CNTNAP5: variants seen among roughly 807,000 people sequenced by gnomAD.
The protein encoded by CNTNAP5 is contactin-associated protein-like 5.
A neutral mutation model predicts 150.2 loss-of-function variants in CNTNAP5; 72 were observed. The ratio of observed to expected loss-of-function variants is 0.48; its 90% CI spans 0.40 to 0.58. The LOEUF is 0.58. CNTNAP5 is among the 20% of genes least tolerant of loss of function. The pLI is 0.00. For synonymous variants in CNTNAP5, 672 were observed against 619.8 expected, an observed-to-expected ratio of 1.08 and a Z score of -1.25; for missense variants, 1,636 against 1,626.2, an observed-to-expected ratio of 1.01 and a Z score of -0.10.
At chr2:124,651,889 C>G (rs991362332) in intron 13 of CNTNAP5, among the ~76,000 whole-genome samples, 1 of 152,128 alleles carries the variant, frequency 6.6e-6, no homozygotes, top group Admixed American at 6.6e-5. Context: ...ATGGGAAGGC[C>G]TGTGTATCCC....
At chr2:124,885,549 TCACA>T (rs3980831) in intron 21 of CNTNAP5, among the ~76,000 whole-genome samples, 2,665 of 145,310 alleles carry the variant, frequency 0.018, 33 homozygotes, top group Middle Eastern at 0.028. Flanking sequence ...AACATTTTCA[TCACA>T]CACACACACA....
At chr2:124,261,088 T>TCA (rs1436834325) in intron 3 of CNTNAP5, among the ~76,000 whole-genome samples, 1 of 152,160 alleles carries the variant, frequency 6.6e-6, no homozygotes, top group African/African-American at 2.4e-5. Flanking sequence ...AATTTCTTTA[T>TCA]GGCAATTTAA....
At chr2:124,741,069 T>C (rs929201168) in intron 13 of CNTNAP5, among the ~76,000 whole-genome samples, 7 of 152,292 alleles carry the variant, frequency 4.6e-5, no homozygotes, top group Admixed American at 3.9e-4. Flanking sequence ...CAAATTTCTT[T>C]TACTCCTGCA....
intron 4 of CNTNAP5, among the ~76,000 whole-genome samples, chr2:124,426,411 C>CT (rs758893339): frequency 8.3e-4 from 127 of 152,264 alleles, no homozygotes; most frequent in Admixed American, 1.4e-3. Flanking sequence ...TTGTGGATTG[C>CT]TAGCCAAAGC....
chr2:124,881,475 T>G (rs544763635), intron 21 of CNTNAP5, among the ~76,000 whole-genome samples: 1 of 152,198 alleles, frequency 6.6e-6, no homozygotes, highest in South Asian at 2.1e-4. Flanking sequence ...GAGCCCGAGT[T>G]TACTGACTTG....
chr2:124,863,722 G>A (rs968911270), intron 19 of CNTNAP5, among the ~76,000 whole-genome samples: 1 of 152,148 alleles, frequency 6.6e-6, no homozygotes, highest in Non-Finnish European at 1.5e-5. Context: ...ATCAGTCAGG[G>A]ACACGGTGGT....
At chr2:124,114,449 A>C (rs1432499857) in intron 1 of CNTNAP5, among the ~76,000 whole-genome samples, 1 of 151,954 alleles carries the variant, frequency 6.6e-6, no homozygotes, top group Non-Finnish European at 1.5e-5. Context: ...TACGGAAGTA[A>C]ATTTATTTTA....
chr2:124,523,001 A>G (rs1484428996), intron 8 of CNTNAP5, among the ~76,000 whole-genome samples: 1 of 152,024 alleles, frequency 6.6e-6, no homozygotes, highest in African/African-American at 2.4e-5. Context: ...TGTCTACCCC[A>G]CTAGCCTGAA....
At chr2:124,811,707 G>T (rs889673544) in intron 19 of CNTNAP5, among the ~76,000 whole-genome samples, 11 of 15,710 alleles carry the variant, frequency 7.0e-4, no homozygotes, top group African/African-American at 2.3e-3. Context: ...TTTAGGAGGC[G>T]GGGGGGGTGG....
chr2:124,637,131 G>T (rs13423190), intron 12 of CNTNAP5, among the ~76,000 whole-genome samples: 14,395 of 152,026 alleles, frequency 0.095, 975 homozygotes, highest in African/African-American at 0.19. Flanking sequence ...AGAATCCAAA[G>T]TCCTACAATG....
intron 1 of CNTNAP5, among the ~76,000 whole-genome samples, chr2:124,067,574 C>T (rs911616339): frequency 1.2e-4 from 19 of 152,176 alleles, no homozygotes; most frequent in African/African-American, 4.6e-4. Context: ...TGCAAAGGTC[C>T]ATTTTGCCAT....
chr2:124,795,807 G>C (rs1012324095), intron 18 of CNTNAP5, among the ~76,000 whole-genome samples: 1 of 152,104 alleles, frequency 6.6e-6, no homozygotes, highest in Non-Finnish European at 1.5e-5. Context: ...GTGAGCCACT[G>C]TGCCTGGCCC....
chr2:124,290,004 G>A (rs1688246807), intron 3 of CNTNAP5, among the ~76,000 whole-genome samples: 1 of 152,098 alleles, frequency 6.6e-6, no homozygotes, highest in African/African-American at 2.4e-5. Flanking sequence ...ATTTTAAAAT[G>A]TGCATCTAAA....
rs961819626 is a variant in CNTNAP5, at chr2:124,920,623, G to T, written c.*6335G>T. ...GACAGGCCTCCTGATATCCTGTGTT[G>T]CCTTGGACTAACATTTTCCTTAGTC... is the stretch of plus-strand genomic sequence containing the variant. On this transcript the variant is annotated 3_prime_UTR_variant, in exon 24 of 24. Coordinates refer to ENST00000682447, the MANE Select transcript of CNTNAP5 (RefSeq NM_001367498.1). Among the ~76,000 whole-genome samples, 4 of 152,104 alleles carry T rather than the reference G, an allele frequency of 2.6e-5. No individual in the cohort carries two copies. The highest frequency in any genetic ancestry group is 5.9e-5 in the Non-Finnish European group (4 of 68,000).
At chr2:124,554,882 T>G (rs1695715197) in intron 10 of CNTNAP5, among the ~76,000 whole-genome samples, 1 of 152,200 alleles carries the variant, frequency 6.6e-6, no homozygotes. Context: ...AAATTCACTC[T>G]TGGCAGGGGA....
rs1001561060 is a variant in CNTNAP5 at position 124,456,019 on chromosome 2, C to T, written c.918+9082C>T. ...AGAACTGGAACAAGACAAGGATGCC[C>T]GCTCTCACCACTCCTCTTCAACATA... is the stretch of plus-strand genomic sequence containing the variant. On this transcript the variant is annotated intron_variant, in intron 6 of 23. Coordinates refer to ENST00000682447, the MANE Select transcript of CNTNAP5 (RefSeq NM_001367498.1). Among the ~76,000 whole-genome samples the T allele has an allele frequency of 9.2e-5, 14 of 152,152 alleles. No individual in the cohort carries two copies. In the South Asian group the frequency reaches 1.2e-3, roughly 14 times the overall value.
chr2:124,741,744 G>A (rs951447531), intron 13 of CNTNAP5, among the ~76,000 whole-genome samples: 2 of 152,124 alleles, frequency 1.3e-5, no homozygotes, highest in Non-Finnish European at 2.9e-5. Flanking sequence ...AAGTATAGGA[G>A]TCTATATAGG....
chr2:124,121,363 A>T (rs983274391), intron 1 of CNTNAP5, among the ~76,000 whole-genome samples: 9 of 152,172 alleles, frequency 5.9e-5, no homozygotes, highest in African/African-American at 2.2e-4. Context: ...TCTGTGGCAC[A>T]CACGTGTGCA....
At chr2:124,560,349 T>A (rs929782558) in intron 10 of CNTNAP5, among the ~76,000 whole-genome samples, 1 of 151,770 alleles carries the variant, frequency 6.6e-6, no homozygotes, top group Non-Finnish European at 1.5e-5. Context: ...ATAAACCTCA[T>A]CTCTACTAAA....
Sources: gnomAD v4.1 joint callset for allele counts (sites outside exome capture counted in the v4.1 genomes callset) on GRCh38, gnomAD v4.1.1 for gene constraint, MANE v1.5 for transcripts, NCBI Gene and HGNC (gene_info 2026-07-23, HGNC 2026-07-21) for gene names.